The following RBSN variants were observed in gnomAD, a reference collection of about 807,000 sequenced individuals.
The protein encoded by RBSN is rabenosyn, RAB effector.
In RBSN, 34 loss-of-function variants were observed where a neutral mutation model predicts 60.5. The observed-to-expected ratio is 0.56, with a 90% CI of 0.43 to 0.75. The LOEUF (loss-of-function observed/expected upper bound fraction) is 0.75. RBSN is among the 30% of genes least tolerant of loss of function. RBSN has a pLI of 0.00. For synonymous variants in RBSN, 322 were observed against 366.9 expected (o/e 0.88, Z 1.40); for missense variants, 845 against 986.8 (o/e 0.86, Z 1.92).
At chr3:15,083,360 AC>A (rs1389502096) in intron 8 of RBSN, among the ~76,000 whole-genome samples, 3 of 152,186 alleles carry the variant, frequency 2.0e-5, no homozygotes, top group Non-Finnish European at 4.4e-5. Context: ...CATTATCCAG[AC>A]ACCCCATGGC....
chr3:15,091,916 A>G (rs2043526982), intron 4 of RBSN, among the ~76,000 whole-genome samples: 1 of 152,244 alleles, frequency 6.6e-6, no homozygotes, highest in African/African-American at 2.4e-5. Context: ...ACGCTCTCTC[A>G]TGAATGTTCT....
intron 5 of RBSN, 102 bp downstream of exon 5, chr3:15,090,296 AT>A: frequency 7.7e-7 from 1 of 1,291,568 alleles, no homozygotes; most frequent in Non-Finnish European, 1.1e-6. Context: ...AGCTTAGACC[AT>A]TATGGTTTAC....
chr3:15,074,671 A>G lies in RBSN; in HGVS notation c.1466T>C (p.Leu489Pro). The G allele has an allele frequency of 6.2e-7, 1 of 1,614,204 alleles. No homozygotes were observed. Among genetic ancestry groups the G allele is most frequent in the Non-Finnish European group, 8.5e-7 (1 of 1,180,032 alleles). Reference sequence around the variant, plus strand: ...GTCATACTCGTCCTGCAGCTGCCGCAGGTTCTCCTGCAGAGTGCGCACTTC... The same window carrying G: ...GTCATACTCGTCCTGCAGCTGCCGCGGGTTCTCCTGCAGAGTGCGCACTTC... ...MDEVRTLQEN[L>P]RQLQDEYDQQ... The change falls in exon 14 of 14, where the codon CTG becomes CCG. Residue 489 changes from leucine to proline, a missense_variant. Coordinates refer to ENST00000253699, the MANE Select transcript of RBSN (RefSeq NM_022340.4). The surrounding 1 kb of genome is among the most constrained non-coding windows in gnomAD (Gnocchi z 6.4).
At chr3:15,089,811 C>T (rs1445698066) in intron 5 of RBSN, among the ~76,000 whole-genome samples, 2 of 152,032 alleles carry the variant, frequency 1.3e-5, no homozygotes, top group African/African-American at 2.4e-5. Flanking sequence ...GGGGTTTCAC[C>T]GTGGTCTGGA....
intron 4 of RBSN, 172 bp downstream of exon 4, chr3:15,095,801 G>T (rs1194959033): frequency 3.8e-6 from 3 of 790,170 alleles, no homozygotes; most frequent in Non-Finnish European, 6.0e-6. Flanking sequence ...AGGATTAAAT[G>T]AAATTAATAA....
At chr3:15,093,374 G>T (rs1290910293) in intron 4 of RBSN, among the ~76,000 whole-genome samples, 1 of 152,124 alleles carries the variant, frequency 6.6e-6, no homozygotes. Flanking sequence ...AGATGTCGGG[G>T]GTAAGGCAGG....
Position 15,092,264 on chromosome 3 carries a change from CT to C in RBSN, c.149-1726del, listed in dbSNP as rs1057386629. On this transcript the variant is annotated intron_variant, in intron 4 of 13. Coordinates refer to ENST00000253699, the MANE Select transcript of RBSN (RefSeq NM_022340.4). Reference sequence around the variant, plus strand: ...GTGAGATTGATAAGAATACACTTGTCTTTTTTTTTTTTTAAGACGGTCAAGC... The same window carrying C: ...GTGAGATTGATAAGAATACACTTGTCTTTTTTTTTTTTAAGACGGTCAAGC... 2.5e-3 allele frequency among the ~76,000 whole-genome samples: 362 copies of C among 142,628 alleles called. 4 individuals are homozygous for C. Among genetic ancestry groups the C allele is most frequent in the South Asian group, 6.5e-3 (29 of 4,486 alleles). 93.6% of individuals were successfully genotyped at this position (142,628 alleles called of 152,430 possible).
chr3:15,091,152 G>A (rs2043502904), intron 4 of RBSN, among the ~76,000 whole-genome samples: 1 of 129,732 alleles, frequency 7.7e-6, no homozygotes, highest in African/African-American at 2.9e-5. Context: ...CGAGGCTGCA[G>A]TGAGCTGAGA....
chr3:15,078,503 C>T (rs2043109290), intron 10 of RBSN, among the ~76,000 whole-genome samples: 1 of 152,056 alleles, frequency 6.6e-6, no homozygotes, highest in Non-Finnish European at 1.5e-5. Flanking sequence ...GGTTACACTA[C>T]ATTAAGAGCA....
intron 10 of RBSN, 75 bp downstream of exon 10, chr3:15,080,657 G>T: frequency 1.4e-6 from 2 of 1,402,368 alleles, no homozygotes; most frequent in Non-Finnish European, 2.0e-6. Flanking sequence ...TTTCATTTTT[G>T]GCTACTGGAG....
Position 15,078,378 on chromosome 3 carries a change from T to C in RBSN, c.912-217A>G, listed in dbSNP as rs2043106119. Among the ~76,000 whole-genome samples, 2 of 152,184 alleles carry C rather than the reference T, an allele frequency of 1.3e-5. 1 individual carries two copies. The highest frequency in any genetic ancestry group is 4.1e-4 in the South Asian group (2 of 4,830). ...TGCAGACGCAACAGGGACAGATTCA[T>C]GCCAAGGCCTCCAAGGACTAGCCCT... is the stretch of plus-strand genomic sequence containing the variant. On this transcript the variant is annotated intron_variant, in intron 10 of 13. Transcript: ENST00000253699.
chr3:15,094,416 G>T (rs2043597909), intron 4 of RBSN, among the ~76,000 whole-genome samples: 2 of 152,242 alleles, frequency 1.3e-5, no homozygotes, highest in African/African-American at 4.8e-5. Flanking sequence ...ACAGATGACA[G>T]AAGACCTACG....
chr3:15,081,976 TA>T (rs1163991828), intron 9 of RBSN, among the ~76,000 whole-genome samples: 1 of 152,202 alleles, frequency 6.6e-6, no homozygotes, highest in African/African-American at 2.4e-5. Flanking sequence ...CTAAAACTTG[TA>T]AAGTCTAACA....
chr3:15,091,338 C>A, intron 4 of RBSN: 1 of 1,049,016 alleles, frequency 9.5e-7, no homozygotes, highest in South Asian at 2.9e-5. Flanking sequence ...TTCTCATTTA[C>A]CTCCAGGATG....
chr3:15,092,671 C>T (rs941252053), intron 4 of RBSN, among the ~76,000 whole-genome samples: 1 of 152,178 alleles, frequency 6.6e-6, no homozygotes, highest in Non-Finnish European at 1.5e-5. Flanking sequence ...CTCGGCCTCC[C>T]AAAGTGCTGG....
intron 4 of RBSN, chr3:15,091,214 A>G (rs1309920824): frequency 6.7e-6 from 1 of 150,298 alleles, no homozygotes; most frequent in Non-Finnish European, 1.1e-5. Context: ...CTGTCTCAAA[A>G]AAAAAAAAAA....
Position 15,096,193 on chromosome 3 carries a change from C to T in RBSN, c.-73G>A. 1 of 1,483,428 alleles carries T rather than the reference C, an allele frequency of 6.7e-7. No individual in the cohort carries two copies. Among genetic ancestry groups the T allele is most frequent in the Non-Finnish European group, 9.0e-7 (1 of 1,116,250 alleles). The allele number at this position is 1,483,428 out of a possible 1,614,324, so 91.9% of individuals were successfully genotyped here. A position where few individuals can be genotyped will look rare whatever the true frequency, so the allele number is the denominator to read the frequency against. ...GTCAGCTTGATTCCTCCCAAGGAAC[C>T]ATGGTTCCCGCAGCATTAGCTTAAG... On this transcript the variant is annotated 5_prime_UTR_variant, in exon 4 of 14. The change abolishes an upstream ATG in the 5' untranslated region. Coordinates refer to ENST00000253699, the MANE Select transcript of RBSN (RefSeq NM_022340.4).
chr3:15,083,753 C>A (rs1010879304), intron 8 of RBSN, among the ~76,000 whole-genome samples: 2 of 152,092 alleles, frequency 1.3e-5, no homozygotes, highest in African/African-American at 2.4e-5. Flanking sequence ...TGATATTAGT[C>A]TTTTCTATAT....
rs767113192 is a variant in RBSN at position 15,074,446 on chromosome 3, T to C, written c.1691A>G (p.Glu564Gly). The C allele has an allele frequency of 6.2e-7, 1 of 1,614,126 alleles. No homozygotes were observed. The highest frequency in any genetic ancestry group is 1.1e-5 in the South Asian group (1 of 91,078). ...IGPFQLEPSR[E>G]PRTHLAYALD... is the part of the protein sequence containing the mutation. Reference sequence around the variant, plus strand: ...AGCATAAGCAAGGTGGGTGCGAGGCTCTCTGCTGGGCTCCAGCTGAAAAGG... The same window carrying C: ...AGCATAAGCAAGGTGGGTGCGAGGCCCTCTGCTGGGCTCCAGCTGAAAAGG... Residue 564 changes from glutamate to glycine, a missense_variant, in exon 14 of 14, where the codon GAG becomes GGG. Physicochemically the swap from Glu to Gly is moderately conservative, Grantham distance 98. Transcript: ENST00000253699. The surrounding 1 kb of genome is among the most constrained non-coding windows in gnomAD (Gnocchi z 6.4).
Sources: gnomAD v4.1 joint callset for allele counts (sites outside exome capture counted in the v4.1 genomes callset) on GRCh38, gnomAD v4.1.1 for gene constraint, Gnocchi (gnomAD v3.1) non-coding constraint, MANE v1.5 for transcripts, NCBI Gene and HGNC (gene_info 2026-07-23, HGNC 2026-07-21) for gene names.